RAP1GAP2: variants seen among roughly 807,000 people sequenced by gnomAD.
The protein encoded by RAP1GAP2 is RAP1 GTPase activating protein 2.
RAP1GAP2 carries 27 observed loss-of-function variants against 95.0 expected under a neutral mutation model. The ratio of observed to expected loss-of-function variants is 0.28; its 90% CI spans 0.21 to 0.39. The LOEUF (loss-of-function observed/expected upper bound fraction) is 0.39, where lower values mean the gene tolerates loss of function less well. RAP1GAP2 is among the 10% of genes least tolerant of loss of function. RAP1GAP2 has a pLI of 1.00. For synonymous variants in RAP1GAP2, 373 were observed against 380.9 expected (o/e 0.98, Z 0.24); for missense variants, 771 against 970.0 (o/e 0.79, Z 2.72).
intron 2 of RAP1GAP2, among the ~76,000 whole-genome samples, chr17:2,893,112 C>T (rs1317791815): frequency 6.6e-6 from 1 of 152,060 alleles, no homozygotes; most frequent in Non-Finnish European, 1.5e-5. Context: ...ACTGCAACCT[C>T]TGCCTCCCGG....
intron 2 of RAP1GAP2, among the ~76,000 whole-genome samples, chr17:2,887,074 GTT>G (rs112392825): frequency 6.8e-6 from 1 of 146,914 alleles, no homozygotes. Context: ...ACGAATAATA[GTT>G]TTTTTTTTTT....
intron 1 of RAP1GAP2, among the ~76,000 whole-genome samples, chr17:2,783,889 T>C (rs1388949035): frequency 6.6e-6 from 1 of 152,228 alleles, no homozygotes; most frequent in Non-Finnish European, 1.5e-5. Flanking sequence ...CATGCTAGAT[T>C]GGGCTTCCTC....
chr17:2,839,106 C>T (rs2071265037), intron 2 of RAP1GAP2, among the ~76,000 whole-genome samples: 1 of 151,902 alleles, frequency 6.6e-6, no homozygotes, highest in African/African-American at 2.4e-5. Flanking sequence ...AGTTTGAGAC[C>T]AGCCTGGCCA....
chr17:2,887,789 C>G (rs2073551400), intron 2 of RAP1GAP2, among the ~76,000 whole-genome samples: 1 of 152,006 alleles, frequency 6.6e-6, no homozygotes, highest in African/African-American at 2.4e-5. Context: ...ATCCCCCTGC[C>G]TCAGCCTCCC....
chr17:2,889,879 ATATATATATAT>A (rs2073635789), intron 2 of RAP1GAP2, among the ~76,000 whole-genome samples: 1 of 76,952 alleles, frequency 1.3e-5, no homozygotes, highest in African/African-American at 5.9e-5. Flanking sequence ...ATATATATAT[ATATATATATAT>A]TTTTTTTTTT....
chr17:2,781,044 G>T (rs1180689965), intron 1 of RAP1GAP2, among the ~76,000 whole-genome samples: 1 of 152,144 alleles, frequency 6.6e-6, no homozygotes, highest in Non-Finnish European at 1.5e-5. Context: ...TGGAGCAGTC[G>T]CAGGGGCACC....
intron 2 of RAP1GAP2, among the ~76,000 whole-genome samples, chr17:2,835,283 G>A (rs879627754): frequency 2.0e-5 from 3 of 151,866 alleles, no homozygotes; most frequent in Admixed American, 1.3e-4. Flanking sequence ...GCATTGGCAC[G>A]ATCTTGGCTC....
upstream of RAP1GAP2, among the ~76,000 whole-genome samples, chr17:2,775,361 TG>T (rs35203414): frequency 1.1e-4 from 17 of 150,624 alleles, no homozygotes; most frequent in African/African-American, 3.7e-4. Context: ...GAGCAGCCAG[TG>T]GGTGTGTGGG....
In RAP1GAP2 at chr17:2,842,162, C is replaced by T. The variant is rs184383752; in HGVS notation, c.80+41612C>T. 1.2e-4 allele frequency among the ~76,000 whole-genome samples: 18 copies of T among 152,300 alleles called. No homozygotes were observed. The East Asian group carries it at 1.4e-3, about 11-fold the overall frequency. On this transcript the variant is annotated intron_variant, in intron 2 of 24. Transcript: ENST00000254695. ...CAGGTCACCAGCTGGTCAGGGCCCACGCTTGGGTAATAGGTGAATATTTGA... is the reference window on the plus strand; with the variant it reads ...CAGGTCACCAGCTGGTCAGGGCCCATGCTTGGGTAATAGGTGAATATTTGA...
chr17:2,974,221 C>T (rs1057136548), intron 8 of RAP1GAP2, among the ~76,000 whole-genome samples: 4 of 151,066 alleles, frequency 2.6e-5, no homozygotes, highest in Non-Finnish European at 5.9e-5. Flanking sequence ...CAGTGGCAGG[C>T]GCCTGTAGTC....
chr17:2,828,633 C>T (rs2070694484), intron 2 of RAP1GAP2, among the ~76,000 whole-genome samples: 1 of 152,098 alleles, frequency 6.6e-6, no homozygotes, highest in Admixed American at 6.6e-5. Flanking sequence ...CCCAGGACTG[C>T]CCGGGCATGG....
At chr17:2,833,646 C>T (rs1350202062) in intron 2 of RAP1GAP2, among the ~76,000 whole-genome samples, 8 of 146,386 alleles carry the variant, frequency 5.5e-5, no homozygotes, top group East Asian at 4.1e-4. Flanking sequence ...GCCGAGATCT[C>T]GCCACTGCAC....
chr17:2,892,489 C>T (rs548227437), intron 2 of RAP1GAP2, among the ~76,000 whole-genome samples: 1 of 152,242 alleles, frequency 6.6e-6, no homozygotes, highest in African/African-American at 2.4e-5. Context: ...TGCGACGGTC[C>T]ACTGGGGCTG....
At chr17:2,790,094 A>G (rs963600008) in intron 1 of RAP1GAP2, among the ~76,000 whole-genome samples, 1 of 148,978 alleles carries the variant, frequency 6.7e-6, no homozygotes, top group African/African-American at 2.5e-5. Flanking sequence ...GGAGACCAGC[A>G]TCTTTCTCCA....
chr17:2,785,628 C>T (rs763690871), intron 1 of RAP1GAP2, among the ~76,000 whole-genome samples: 5 of 152,172 alleles, frequency 3.3e-5, no homozygotes, highest in African/African-American at 9.7e-5. Flanking sequence ...GTATCACGAC[C>T]TTTTCACGTG....
In RAP1GAP2 at chr17:2,904,882, A is replaced by AT. The variant is rs200341493; in HGVS notation, c.81-391dup. ...CTCCCAATTCTGGTTTCTGCATTGT[A>AT]TTTTTTTTTTTAATTGGAAACGGAG... On this transcript the variant is annotated intron_variant, in intron 2 of 24. Coordinates refer to ENST00000254695, the MANE Select transcript of RAP1GAP2 (RefSeq NM_015085.5). The surrounding 1 kb of genome is among the most constrained non-coding windows in gnomAD (Gnocchi z 4.7). Among the ~76,000 whole-genome samples, 10,861 of 147,410 alleles carry AT rather than the reference A, an allele frequency of 0.074. 433 individuals carry two copies. The highest frequency in any genetic ancestry group is 0.11 in the Middle Eastern group (30 of 278).
At chr17:2,862,569 A>G (rs1323070798) in intron 2 of RAP1GAP2, among the ~76,000 whole-genome samples, 1 of 152,126 alleles carries the variant, frequency 6.6e-6, no homozygotes, top group Non-Finnish European at 1.5e-5. Context: ...TGCCTACTGA[A>G]TCCATAAAAA....
At chr17:3,023,248 G>A (rs1412325857) in intron 19 of RAP1GAP2, among the ~76,000 whole-genome samples, 1 of 152,148 alleles carries the variant, frequency 6.6e-6, no homozygotes, top group African/African-American at 2.4e-5. Flanking sequence ...ATCCTTGTAT[G>A]GTTTTGATGT....
intron 3 of RAP1GAP2, among the ~76,000 whole-genome samples, chr17:2,950,592 A>T (rs2043884719): frequency 6.8e-6 from 1 of 146,110 alleles, no homozygotes; most frequent in Admixed American, 7.1e-5. Flanking sequence ...GAAGTCAGGA[A>T]CTATTTGCTT....
Sources: gnomAD v4.1 joint callset for allele counts (sites outside exome capture counted in the v4.1 genomes callset) on GRCh38, gnomAD v4.1.1 for gene constraint, Gnocchi (gnomAD v3.1) non-coding constraint, MANE v1.5 for transcripts, NCBI Gene and HGNC (gene_info 2026-07-23, HGNC 2026-07-21) for gene names.